MBD5: variants seen among roughly 807,000 people sequenced by gnomAD.
MBD5 encodes the protein methyl-CpG binding domain protein 5.
In MBD5, 13 loss-of-function variants were observed where a neutral mutation model predicts 117.3. The ratio of observed to expected loss-of-function variants is 0.11; its 90% confidence interval spans 0.07 to 0.18. The LOEUF (loss-of-function observed/expected upper bound fraction) is 0.18, where lower values mean the gene tolerates loss of function less well. Among genes scored for constraint, MBD5 ranks in the 10% least tolerant of loss-of-function variants. The pLI, the probability that MBD5 is intolerant of heterozygous loss-of-function variation, is 1.00. For synonymous variants in MBD5, 727 were observed against 766.4 expected, an observed-to-expected ratio of 0.95 and a Z score of 0.85; for missense variants, 1,879 against 2,093.8, an observed-to-expected ratio of 0.90 and a Z score of 2.00.
chr2:148,086,525 T>A (rs1695795799), intron 1 of MBD5, among the ~76,000 whole-genome samples: 1 of 152,196 alleles, frequency 6.6e-6, no homozygotes, highest in East Asian at 1.9e-4. Context: ...TTTTAAAGTA[T>A]ACCTGTCTCC....
At chr2:148,288,410 A>AAAAAAAAAAAAAAAAAAAAG (rs1367731540) in intron 3 of MBD5, among the ~76,000 whole-genome samples, 66 of 140,454 alleles carry the variant, frequency 4.7e-4, no homozygotes, top group African/African-American at 1.7e-3. Context: ...AAAAAAAAAA[A>AAAAAAAAAAAAAAAAAAAAG]AAAAGTGATT....
intron 4 of MBD5, among the ~76,000 whole-genome samples, chr2:148,428,294 T>C (rs960814887): frequency 1.2e-4 from 18 of 152,156 alleles, no homozygotes; most frequent in Non-Finnish European, 8.8e-5. Flanking sequence ...ACAAGGGATG[T>C]GAAGGACCTC....
At chr2:148,426,131 A>C (rs1705774696) in intron 4 of MBD5, among the ~76,000 whole-genome samples, 1 of 152,206 alleles carries the variant, frequency 6.6e-6, no homozygotes, top group African/African-American at 2.4e-5. Context: ...ACTACAAACC[A>C]CTGCTCAATG....
intron 1 of MBD5, among the ~76,000 whole-genome samples, chr2:148,161,841 T>C (rs561358693): frequency 6.2e-4 from 95 of 152,362 alleles, no homozygotes; most frequent in African/African-American, 2.3e-3. Flanking sequence ...TACATTACTG[T>C]AACAATACTT....
rs1160900172 is a variant in MBD5 at position 148,021,477 on chromosome 2, GCTGTTGCTGCTGCTGCTGCTA to G, written c.-1128_-1108del. On this transcript the variant is annotated 5_prime_UTR_variant, in exon 1 of 14. Coordinates refer to ENST00000642680, the MANE Select transcript of MBD5 (RefSeq NM_001378120.1). ...TGCTGCTGCTGTTGCTGCTGCTGCT[GCTGTTGCTGCTGCTGCTGCTA>G]CTGCTGCTGCTGCTACTGCTGCTGC... 2 of 578,600 alleles carry G rather than the reference GCTGTTGCTGCTGCTGCTGCTA, an allele frequency of 3.5e-6. No individual in the cohort carries two copies. Among genetic ancestry groups the G allele is most frequent in the Admixed American group, 2.2e-5 (1 of 46,344 alleles). The allele number at this position is 578,600 out of a possible 1,614,324, so 35.8% of individuals were successfully genotyped here.
intron 1 of MBD5, among the ~76,000 whole-genome samples, chr2:148,117,281 A>G (rs1235127499): frequency 2.6e-5 from 4 of 152,086 alleles, no homozygotes; most frequent in African/African-American, 7.2e-5. Context: ...AATAACAAGC[A>G]CAGTAATAGA....
intron 3 of MBD5, among the ~76,000 whole-genome samples, chr2:148,254,504 G>A (rs1401402661): frequency 6.6e-6 from 1 of 152,094 alleles, no homozygotes; most frequent in African/African-American, 2.4e-5. Flanking sequence ...GAACCACCAG[G>A]GGGCTCATCA....
chr2:148,363,185 C>G (rs1703590486), intron 4 of MBD5, among the ~76,000 whole-genome samples: 1 of 152,158 alleles, frequency 6.6e-6, no homozygotes, highest in South Asian at 2.1e-4. Context: ...TAATAACACA[C>G]TCCTCCGAGC....
intron 3 of MBD5, among the ~76,000 whole-genome samples, chr2:148,306,696 C>A (rs568079663): frequency 3.9e-5 from 6 of 152,166 alleles, no homozygotes; most frequent in African/African-American, 1.4e-4. Flanking sequence ...AAAATTAGTT[C>A]ATTCAGTCTC....
At chr2:148,271,222 T>C (rs1445741573) in intron 3 of MBD5, among the ~76,000 whole-genome samples, 1 of 152,192 alleles carries the variant, frequency 6.6e-6, no homozygotes, top group Non-Finnish European at 1.5e-5. Flanking sequence ...ACCCTATGAT[T>C]AGTGGCTGGA....
At chr2:148,351,673 A>G (rs939790602) in intron 4 of MBD5, among the ~76,000 whole-genome samples, 5 of 152,066 alleles carry the variant, frequency 3.3e-5, no homozygotes, top group Admixed American at 3.3e-4. Context: ...TTGTAAGAAT[A>G]GACAAAAGAT....
At chr2:148,039,734 C>T (rs1036399694) in intron 1 of MBD5, among the ~76,000 whole-genome samples, 7 of 152,048 alleles carry the variant, frequency 4.6e-5, no homozygotes, top group South Asian at 2.1e-4. Flanking sequence ...GAAAATACTA[C>T]GTGGAATAGG....
chr2:148,433,388 T>G (rs1448250466), intron 4 of MBD5, among the ~76,000 whole-genome samples: 2 of 152,150 alleles, frequency 1.3e-5, no homozygotes, highest in Non-Finnish European at 2.9e-5. Context: ...CAGTACTATG[T>G]TGAATAGGAG....
At chr2:148,134,235 G>A (rs563532821) in intron 1 of MBD5, among the ~76,000 whole-genome samples, 293 of 32,440 alleles carry the variant, frequency 9.0e-3, no homozygotes, top group African/African-American at 0.03. Context: ...TAGATAGATA[G>A]ATCGATCGAT....
At chr2:148,254,805 C>T (rs556183530) in intron 3 of MBD5, among the ~76,000 whole-genome samples, 1 of 152,188 alleles carries the variant, frequency 6.6e-6, no homozygotes, top group East Asian at 1.9e-4. Flanking sequence ...CACAGTGTTG[C>T]TCTATGCACT....
Position 148,470,773 on chromosome 2 carries a change from G to A in MBD5, c.2518+312G>A, listed in dbSNP as rs999392168. On this transcript the variant is annotated intron_variant, in intron 8 of 13. Coordinates refer to ENST00000642680, the MANE Select transcript of MBD5 (RefSeq NM_001378120.1). The stretch of plus-strand genomic sequence containing the variant: ...TGCAAAATAAGCCATACGAGGCAGG[G>A]TTTCCTGGTTTGTGAGACATGTCCT... 3.5e-5 allele frequency: 13 copies of A among 370,896 alleles called. No individual in the cohort carries two copies. The South Asian group carries it at 7.7e-4, about 22-fold the overall frequency. 23.0% of individuals were successfully genotyped at this position (370,896 alleles called of 1,614,324 possible).
chr2:148,096,909 C>T (rs1696082699), intron 1 of MBD5, among the ~76,000 whole-genome samples: 1 of 151,604 alleles, frequency 6.6e-6, no homozygotes, highest in African/African-American at 2.4e-5. Flanking sequence ...TTCAAGGAAA[C>T]CAGGGTAAAA....
chr2:148,280,131 C>CAAAAAAAAAAAAAAAAAACAAAAA (rs1701209056), intron 3 of MBD5, among the ~76,000 whole-genome samples: 1 of 91,886 alleles, frequency 1.1e-5, no homozygotes, highest in African/African-American at 4.0e-5. Context: ...AAACTAACTG[C>CAAAAAAAAAAAAAAAAAACAAAAA]AAAAAAAAAA....
At chr2:148,394,118 T>C (rs1348991459) in intron 4 of MBD5, among the ~76,000 whole-genome samples, 1 of 152,222 alleles carries the variant, frequency 6.6e-6, no homozygotes, top group African/African-American at 2.4e-5. Context: ...CCTGTTGTTT[T>C]CTGACATCCT....
Sources: gnomAD v4.1 joint callset for allele counts (sites outside exome capture counted in the v4.1 genomes callset) on GRCh38, gnomAD v4.1.1 for gene constraint, MANE v1.5 for transcripts, NCBI Gene and HGNC (gene_info 2026-07-23, HGNC 2026-07-21) for gene names.